The following NEGR1 variants were observed in gnomAD, a reference collection of about 807,000 sequenced individuals.
NEGR1 encodes neuronal growth regulator 1.
Under a neutral mutation model 40.9 loss-of-function variants are expected in NEGR1, and 10 were observed. The ratio of observed to expected loss-of-function variants is 0.24; its 90% CI spans 0.15 to 0.42. NEGR1 has a LOEUF of 0.42. Ranked by LOEUF, NEGR1 falls within the 10% of genes least tolerant of loss-of-function variation. The pLI, the probability that NEGR1 is intolerant of heterozygous loss-of-function variation, is 1.00. For synonymous variants in NEGR1, 185 were observed against 166.8 expected, an observed-to-expected ratio of 1.11 and a Z score of -0.84; for missense variants, 352 against 438.9, an observed-to-expected ratio of 0.80 and a Z score of 1.77.
intron 3 of NEGR1, among the ~76,000 whole-genome samples, chr1:71,716,285 C>T (rs1654274169): frequency 6.6e-6 from 1 of 152,066 alleles, no homozygotes; most frequent in African/African-American, 2.4e-5. Context: ...TATTAAAATT[C>T]AAGGTAAGAT....
chr1:71,548,690 C>T (rs760037102), intron 6 of NEGR1, among the ~76,000 whole-genome samples: 15 of 151,538 alleles, frequency 9.9e-5, no homozygotes, highest in Non-Finnish European at 2.1e-4. Context: ...TCCATTCTGC[C>T]GTTCCCAATT....
At chr1:71,857,244 A>G (rs1011409395) in intron 2 of NEGR1, among the ~76,000 whole-genome samples, 17 of 151,800 alleles carry the variant, frequency 1.1e-4, no homozygotes, top group African/African-American at 3.9e-4. Context: ...ACTCAAAAGA[A>G]CTACCCTGTA....
At chr1:71,904,294 T>C (rs1489440415) in intron 2 of NEGR1, among the ~76,000 whole-genome samples, 1 of 152,062 alleles carries the variant, frequency 6.6e-6, no homozygotes, top group East Asian at 1.9e-4. Flanking sequence ...TTGTAAATTA[T>C]AAAATGCCAT....
At chr1:71,728,663 C>T (rs916713377) in intron 3 of NEGR1, among the ~76,000 whole-genome samples, 1 of 152,156 alleles carries the variant, frequency 6.6e-6, no homozygotes, top group Non-Finnish European at 1.5e-5. Context: ...TTCATAAGCT[C>T]TCTGAACTTC....
chr1:71,787,845 C>T (rs1179061008), intron 2 of NEGR1, among the ~76,000 whole-genome samples: 1 of 152,168 alleles, frequency 6.6e-6, no homozygotes, highest in Non-Finnish European at 1.5e-5. Context: ...GCAAGGCCTT[C>T]AGACTATTTT....
intron 5 of NEGR1, among the ~76,000 whole-genome samples, chr1:71,606,488 G>A (rs1317033200): frequency 3.3e-5 from 5 of 152,174 alleles, no homozygotes; most frequent in Non-Finnish European, 7.3e-5. Flanking sequence ...AGTGCTTACT[G>A]GTTTTAGTTG....
chr1:71,907,643 T>C (rs1427365092), intron 2 of NEGR1, among the ~76,000 whole-genome samples: 1 of 152,158 alleles, frequency 6.6e-6, no homozygotes, highest in Non-Finnish European at 1.5e-5. Context: ...AGCAATCCTA[T>C]TACCGAGTTT....
chr1:71,844,829 A>G (rs1430397043), intron 2 of NEGR1, among the ~76,000 whole-genome samples: 2 of 152,186 alleles, frequency 1.3e-5, no homozygotes, highest in African/African-American at 4.8e-5. Context: ...GCCTTGGCCC[A>G]ACCCCAGGAC....
chr1:71,717,413 T>C (rs941748686), intron 3 of NEGR1, among the ~76,000 whole-genome samples: 2 of 152,152 alleles, frequency 1.3e-5, no homozygotes, highest in Non-Finnish European at 2.9e-5. Flanking sequence ...TTTTTTTGAG[T>C]AAACCTCAGT....
chr1:71,780,939 T>G (rs1029718173), intron 2 of NEGR1, among the ~76,000 whole-genome samples: 6 of 152,192 alleles, frequency 3.9e-5, no homozygotes, highest in African/African-American at 1.4e-4. Context: ...AATCTTAGAA[T>G]GCACATCCAA....
chr1:71,733,898 G>A (rs1287261551), intron 3 of NEGR1, among the ~76,000 whole-genome samples: 1 of 152,116 alleles, frequency 6.6e-6, no homozygotes, highest in Admixed American at 6.6e-5. Context: ...CTTGTTCATT[G>A]ATTTCAACCA....
chr1:72,136,409 A>G (rs1650465903), intron 1 of NEGR1, among the ~76,000 whole-genome samples: 1 of 152,020 alleles, frequency 6.6e-6, no homozygotes, highest in East Asian at 1.9e-4. Context: ...AATGAAATAT[A>G]CAGAGAAGAA....
At chr1:71,819,874 C>T (rs575893140) in intron 2 of NEGR1, among the ~76,000 whole-genome samples, 34 of 152,022 alleles carry the variant, frequency 2.2e-4, no homozygotes, top group African/African-American at 8.0e-4. Flanking sequence ...ATGCTCCACA[C>T]GGAAGCCAGA....
chr1:72,114,912 A>G (rs1328971440), intron 1 of NEGR1, among the ~76,000 whole-genome samples: 2 of 151,794 alleles, frequency 1.3e-5, no homozygotes, highest in Non-Finnish European at 2.9e-5. Flanking sequence ...GTACTCATAA[A>G]AAGTTTGTCT....
intron 6 of NEGR1, among the ~76,000 whole-genome samples, chr1:71,482,186 A>C (rs1395239834): frequency 6.6e-6 from 1 of 151,902 alleles, no homozygotes; most frequent in Non-Finnish European, 1.5e-5. Flanking sequence ...AGACAGAAAC[A>C]AAACCCACAC....
intron 2 of NEGR1, among the ~76,000 whole-genome samples, chr1:71,884,991 C>T (rs536428158): frequency 6.6e-6 from 1 of 152,176 alleles, no homozygotes; most frequent in African/African-American, 2.4e-5. Flanking sequence ...TCATAAACCT[C>T]AGAATGGCTT....
intron 2 of NEGR1, among the ~76,000 whole-genome samples, chr1:71,879,190 T>C (rs577192098): frequency 3.3e-4 from 50 of 151,596 alleles, no homozygotes; most frequent in African/African-American, 1.0e-3. Context: ...CTATTTGCCA[T>C]CAAAAAAAAT....
intron 5 of NEGR1, among the ~76,000 whole-genome samples, chr1:71,607,396 T>C (rs1235841746): frequency 6.6e-6 from 1 of 151,948 alleles, no homozygotes; most frequent in Non-Finnish European, 1.5e-5. Flanking sequence ...TGATAGACTC[T>C]TAAGGGCCTT....
intron 6 of NEGR1, among the ~76,000 whole-genome samples, chr1:71,426,464 T>G (rs1188245296): frequency 1.3e-5 from 2 of 152,210 alleles, no homozygotes; most frequent in African/African-American, 4.8e-5. Context: ...AAAGTCACGA[T>G]GACAAATCAG....
Sources: allele counts gnomAD v4.1 joint callset (sites outside exome capture counted in the v4.1 genomes callset), GRCh38; gene constraint gnomAD v4.1.1; transcripts MANE v1.5; gene names NCBI Gene and HGNC (gene_info 2026-07-23, HGNC 2026-07-21).